GSTA1: variants seen among roughly 807,000 people sequenced by gnomAD.
The protein encoded by GSTA1 is glutathione S-transferase alpha 1.
A neutral mutation model predicts 21.5 loss-of-function variants in GSTA1; 23 were observed. The observed-to-expected ratio is 1.07, with a 90% CI of 0.77 to 1.52. The LOEUF is 1.52. Among genes scored for constraint, GSTA1 ranks in the 40% most tolerant of loss-of-function variants. The pLI is 0.00. For synonymous variants in GSTA1, 125 were observed against 90.0 expected (o/e 1.39, Z -2.20); for missense variants, 301 against 264.2 (o/e 1.14, Z -0.96).
intron 3 of GSTA1, among the ~76,000 whole-genome samples, chr6:52,796,549 T>A (rs1464105202): frequency 0.013 from 1,172 of 89,692 alleles, 83 homozygotes; most frequent in African/African-American, 0.044. Context: ...ATATATTTTT[T>A]TTTTTTTTTT....
At chr6:52,796,515 G>T (rs866455955) in intron 3 of GSTA1, among the ~76,000 whole-genome samples, 1 of 9,528 alleles carries the variant, frequency 1.0e-4, no homozygotes, top group Non-Finnish European at 2.5e-4. Context: ...GTGTGTGTGT[G>T]TGTGTGTGTG....
intron 3 of GSTA1, among the ~76,000 whole-genome samples, chr6:52,796,519 GTGTGTGTGTGTA>G (rs1763590790): frequency 3.2e-4 from 4 of 12,390 alleles, no homozygotes; most frequent in African/African-American, 8.5e-4. Flanking sequence ...GTGTGTGTGT[GTGTGTGTGTGTA>G]TATATATATA....
chr6:52,799,831 G>GCA (rs1763671716), intron 1 of GSTA1, among the ~76,000 whole-genome samples: 1 of 152,144 alleles, frequency 6.6e-6, no homozygotes, highest in Non-Finnish European at 1.5e-5. Context: ...AAGCCAGCTG[G>GCA]GTGAAGGCCC....
At position 52,791,413 on chromosome 6, in the gene GSTA1, A is replaced by G. The variant is rs1407119587; in HGVS notation, c.*445T>C. Among the ~76,000 whole-genome samples the G allele has an allele frequency of 2.6e-5, 4 of 152,270 alleles. No homozygotes were observed. The South Asian group carries it at 8.3e-4, about 31-fold the overall frequency. On this transcript the variant is annotated 3_prime_UTR_variant, in exon 7 of 7. Coordinates refer to ENST00000334575, the MANE Select transcript of GSTA1 (RefSeq NM_145740.5). ...AAAGAACGCTTTTATCAGAAATAAA[A>G]TGACTGTCCAGGAAAAGAAGAAAAT... is the stretch of plus-strand genomic sequence containing the variant.
Position 52,791,508 on chromosome 6 carries a change from C to T in GSTA1, c.*350G>A, listed in dbSNP as rs1325302674. Among the ~76,000 whole-genome samples the T allele has an allele frequency of 2.6e-5, 4 of 152,196 alleles. No individual in the cohort carries two copies. Among genetic ancestry groups the T allele is most frequent in the Non-Finnish European group, 4.4e-5 (3 of 68,046 alleles). Reference sequence around the variant, plus strand: ...ACCTGAAAATGTCAGAAGTGCATTTCTACATTGACATTTTAATAGATTGTA... The same window carrying T: ...ACCTGAAAATGTCAGAAGTGCATTTTTACATTGACATTTTAATAGATTGTA... On this transcript the variant is annotated 3_prime_UTR_variant, in exon 7 of 7. Transcript: ENST00000334575.
intron 5 of GSTA1, among the ~76,000 whole-genome samples, chr6:52,793,454 C>A (rs1763506077): frequency 6.6e-6 from 1 of 152,182 alleles, no homozygotes; most frequent in African/African-American, 2.4e-5. Flanking sequence ...TTCTCTTTGT[C>A]TGCTCTCCTC....
At chr6:52,794,605 G>A (rs1327304567) in intron 4 of GSTA1, among the ~76,000 whole-genome samples, 3 of 152,130 alleles carry the variant, frequency 2.0e-5, no homozygotes, top group Non-Finnish European at 4.4e-5. Flanking sequence ...GGTTTGTTCT[G>A]TGCATGAACT....
At chr6:52,792,667 C>G in intron 6 of GSTA1, 189 bp downstream of exon 6, 1 of 1,455,312 alleles carries the variant, frequency 6.9e-7, no homozygotes, top group Non-Finnish European at 9.2e-7. Context: ...GCATGCAGCA[C>G]AGATTTCCTT....
chr6:52,803,298 T>C (rs1474656950), intron 1 of GSTA1, among the ~76,000 whole-genome samples: 1 of 152,168 alleles, frequency 6.6e-6, no homozygotes. Context: ...AGCTAATTAG[T>C]GGCAAAGGCT....
At chr6:52,792,516 C>G (rs1019461138) in intron 6 of GSTA1, among the ~76,000 whole-genome samples, 2 of 151,938 alleles carry the variant, frequency 1.3e-5, no homozygotes, top group South Asian at 2.1e-4. Context: ...CTGCTCAGAC[C>G]GGCTCATTGT....
At chr6:52,794,391 A>G in intron 4 of GSTA1, 125 bp from the exon 5 acceptor site, 1 of 845,198 alleles carries the variant, frequency 1.2e-6, no homozygotes, top group Non-Finnish European at 1.9e-6. Flanking sequence ...GGTGCCTTTT[A>G]TAGTCTAGTC....
chr6:52,801,144 G>A (rs549277972), intron 1 of GSTA1, among the ~76,000 whole-genome samples: 5 of 152,270 alleles, frequency 3.3e-5, no homozygotes, highest in Non-Finnish European at 5.9e-5. Context: ...GCCTCCCGAA[G>A]TGCTGGGATT....
chr6:52,791,979 G>T lies in GSTA1; in HGVS notation c.548C>A (p.Ala183Asp). The part of the protein sequence containing the change: ...SLISSFPLLK[A>D]LKTRISNLPT... ...CAGGTTGCTGATTCTGGTTTTCAGGGCCTGTAATTCATAAAGCACAGCCTC... is the reference window on the plus strand; with the variant it reads ...CAGGTTGCTGATTCTGGTTTTCAGGTCCTGTAATTCATAAAGCACAGCCTC... The change falls in exon 7 of 7, where the codon GCC (alanine) becomes GAC (aspartate). Residue 183 changes from alanine to aspartate, a missense_variant and splice_region_variant. Physicochemically the swap from Ala to Asp is moderately radical, Grantham distance 126 (BLOSUM62 -2). Transcript: ENST00000334575. 1.2e-6 allele frequency: 2 copies of T among 1,613,878 alleles called. No homozygotes were observed. The highest frequency in any genetic ancestry group is 1.7e-6 in the Non-Finnish European group (2 of 1,179,848).
At chr6:52,793,605 T>A (rs139819109) in intron 5 of GSTA1, among the ~76,000 whole-genome samples, 11 of 152,328 alleles carry the variant, frequency 7.2e-5, no homozygotes, top group Admixed American at 2.6e-4. Context: ...ACTGCACTGA[T>A]GTCTGCAACT....
chr6:52,794,123 A>T lies in GSTA1; in HGVS notation c.414+2T>A. 6.2e-7 allele frequency: 1 copy of T among 1,613,812 alleles called. No individual in the cohort carries two copies. Among genetic ancestry groups the T allele is most frequent in the South Asian group, 1.1e-5 (1 of 91,076 alleles). ...CCCAAAACACTGAACTGCTTCACTT[A>T]CTTTTTCAAAGGCAGGGAAGTAGCG... On this transcript the variant is annotated splice_donor_variant, in intron 5 of 6. Coordinates refer to ENST00000334575, the MANE Select transcript of GSTA1 (RefSeq NM_145740.5). LOFTEE classifies it high-confidence loss of function.
chr6:52,792,938 C>T lies in GSTA1; in HGVS notation c.464G>A (p.Arg155Gln), dbSNP rs147931601. 359 of 1,613,982 alleles carry T rather than the reference C, an allele frequency of 2.2e-4. No homozygotes were observed. Among genetic ancestry groups the T allele is most frequent in the Admixed American group, 5.8e-4 (35 of 60,002 alleles). The change falls in exon 6 of 7, where the codon CGG becomes CAG. Residue 155 changes from arginine (R) to glutamine (Q), a missense_variant. By Grantham distance (43) the Arg-to-Gln change is conservative (BLOSUM62 1). Transcript: ENST00000334575. ...AAGTTCCACCAGATGAATGTCAGCCCGGCTCAGCTTGTTGCCAACAAGGTA... is the reference window on the plus strand; with the variant it reads ...AAGTTCCACCAGATGAATGTCAGCCTGGCTCAGCTTGTTGCCAACAAGGTA... Reference protein sequence around the residue: ...QDYLVGNKLSRADIHLVELLY... With the variant: ...QDYLVGNKLSQADIHLVELLY...
intron 3 of GSTA1, among the ~76,000 whole-genome samples, chr6:52,796,517 G>A (rs1388000149): frequency 0.015 from 158 of 10,582 alleles, 7 homozygotes; most frequent in African/African-American, 0.031. Context: ...GTGTGTGTGT[G>A]TGTGTGTGTG....
rs1462446265 is a variant in GSTA1 at position 52,796,285 on chromosome 6, T to C, written c.169A>G (p.Met57Val). The change falls in exon 4 of 7, where the codon ATG becomes GTG. Residue 57 changes from methionine (M) to valine (V), a missense_variant. Physicochemically the swap from Met to Val is conservative, Grantham distance 21. Transcript: ENST00000334575. The stretch of plus-strand genomic sequence containing the variant: ...AGCTTCATCCCATCAATCTCAACCA[T>C]TGGCACTTGCTGGAACATCAAATAT... ...DGYLMFQQVP[M>V]VEIDGMKLVQ... 3 of 1,613,590 alleles carry C rather than the reference T, an allele frequency of 1.9e-6. No individual in the cohort carries two copies. The highest frequency in any genetic ancestry group is 2.7e-5 in the African/African-American group (2 of 74,728).
chr6:52,794,067 C>G, intron 5 of GSTA1, 58 bp downstream of exon 5: 1 of 1,606,312 alleles, frequency 6.2e-7, no homozygotes, highest in Non-Finnish European at 8.5e-7. Flanking sequence ...TGCCCAGCCA[C>G]TATTTTTCTA....
Sources: allele counts gnomAD v4.1 joint callset (sites outside exome capture counted in the v4.1 genomes callset), GRCh38; gene constraint gnomAD v4.1.1; transcripts MANE v1.5; gene names NCBI Gene and HGNC (gene_info 2026-07-23, HGNC 2026-07-21).